PHF14: variants seen among roughly 807,000 people sequenced by gnomAD.
PHF14 encodes the protein PHD finger protein 14.
Under a neutral mutation model 117.9 loss-of-function variants are expected in PHF14, and 55 were observed. The ratio of observed to expected loss-of-function variants is 0.47; its 90% confidence interval spans 0.38 to 0.58. PHF14 has a LOEUF of 0.58. PHF14 is among the 20% of genes least tolerant of loss of function. The pLI, the probability that PHF14 is intolerant of heterozygous loss-of-function variation, is 0.00. For synonymous variants in PHF14, 409 were observed against 368.6 expected, an observed-to-expected ratio of 1.11 and a Z score of -1.26; for missense variants, 978 against 1,122.2, an observed-to-expected ratio of 0.87 and a Z score of 1.84.
At chr7:11,035,432 G>A (rs1245641320) in intron 7 of PHF14, among the ~76,000 whole-genome samples, 2 of 151,788 alleles carry the variant, frequency 1.3e-5, no homozygotes, top group East Asian at 1.9e-4. Flanking sequence ...AAAGAAAAAC[G>A]TTGTTGGTAA....
chr7:10,981,871 T>C (rs1782054661), intron 2 of PHF14, among the ~76,000 whole-genome samples: 1 of 152,218 alleles, frequency 6.6e-6, no homozygotes, highest in South Asian at 2.1e-4. Context: ...ATGCTTATTT[T>C]ACTGGGTAAA....
chr7:11,061,698 A>G (rs1785226614), intron 14 of PHF14, 93 bp from the exon 15 acceptor site: 3 of 972,042 alleles, frequency 3.1e-6, no homozygotes, highest in Admixed American at 7.1e-5. Flanking sequence ...CTAAGCAATA[A>G]CATTTAACAG....
intron 17 of PHF14, among the ~76,000 whole-genome samples, chr7:11,153,570 C>T (rs886793937): frequency 1.3e-5 from 2 of 151,862 alleles, no homozygotes; most frequent in African/African-American, 4.8e-5. Flanking sequence ...AAGTAGTTGG[C>T]ATTTGTGGCC....
intron 17 of PHF14, among the ~76,000 whole-genome samples, chr7:11,142,163 G>A (rs993855132): frequency 1.3e-5 from 2 of 152,020 alleles, no homozygotes; most frequent in South Asian, 2.1e-4. Context: ...AATGTTAAAT[G>A]TATTATCAAT....
chr7:11,071,561 G>A (rs941631524), intron 16 of PHF14, among the ~76,000 whole-genome samples: 6 of 152,106 alleles, frequency 3.9e-5, no homozygotes, highest in East Asian at 1.9e-4. Context: ...CCCATTATAA[G>A]TATAGAGCTT....
intron 17 of PHF14, among the ~76,000 whole-genome samples, chr7:11,146,992 G>A (rs967080621): frequency 6.6e-6 from 1 of 152,064 alleles, no homozygotes; most frequent in Non-Finnish European, 1.5e-5. Context: ...GAATACAGGT[G>A]TGTGCCACGA....
intron 16 of PHF14, chr7:11,106,317 T>G (rs1787261580): frequency 1.0e-6 from 1 of 977,936 alleles, no homozygotes; most frequent in Non-Finnish European, 1.2e-6. Context: ...ATTCATTCAT[T>G]ATTGGCTGAT....
At chr7:11,001,129 T>C (rs1782857939) in intron 4 of PHF14, among the ~76,000 whole-genome samples, 1 of 152,216 alleles carries the variant, frequency 6.6e-6, no homozygotes, top group Admixed American at 6.5e-5. Context: ...TCAATTTTTC[T>C]ATCACCATTT....
At chr7:11,058,288 A>G (rs1000341498) in intron 14 of PHF14, among the ~76,000 whole-genome samples, 3 of 151,832 alleles carry the variant, frequency 2.0e-5, no homozygotes, top group African/African-American at 4.8e-5. Context: ...TTTAAATTCT[A>G]CTTATGTTTT....
intron 17 of PHF14, among the ~76,000 whole-genome samples, chr7:11,148,932 AT>A (rs1267423436): frequency 1.3e-5 from 2 of 152,220 alleles, no homozygotes; most frequent in African/African-American, 2.4e-5. Flanking sequence ...TTATTGTGTT[AT>A]AAACATTTTA....
In PHF14 at chr7:11,038,410, G is replaced by T. The variant is rs573170565; in HGVS notation, c.1981-350G>T. Among the ~76,000 whole-genome samples, 2 of 143,620 alleles carry T rather than the reference G, an allele frequency of 1.4e-5. 1 individual carries two copies. Among genetic ancestry groups the T allele is most frequent in the South Asian group, 4.4e-4 (2 of 4,522 alleles). The allele number at this position is 143,620 out of a possible 152,430, so 94.2% of individuals were successfully genotyped here. A position where few individuals can be genotyped will look rare whatever the true frequency, so the allele number is the denominator to read the frequency against. ...CGTGCTACTGCACTCTAGCCTGGGC[G>T]ACAGAGTGAGACTCCATCTCAAAAA... On this transcript the variant is annotated intron_variant, in intron 10 of 17. Coordinates refer to ENST00000634607, the MANE Select transcript of PHF14 (RefSeq NM_001007157.2).
Position 11,008,120 on chromosome 7 carries a change from C to T in PHF14, c.1046-5627C>T, listed in dbSNP as rs529944775. Among the ~76,000 whole-genome samples the T allele has an allele frequency of 2.6e-5, 4 of 152,272 alleles. No homozygotes were observed. The East Asian group carries it at 7.7e-4, about 29-fold the overall frequency. On this transcript the variant is annotated intron_variant, in intron 4 of 17. Transcript: ENST00000634607. ...TACTTGACAGAAGTTAGGTAGTGTACTTACCAGCAGTTGCCCTCAGGTTTA... is the reference window on the plus strand; with the variant it reads ...TACTTGACAGAAGTTAGGTAGTGTATTTACCAGCAGTTGCCCTCAGGTTTA...
At chr7:11,010,603 T>C (rs1057005341) in intron 4 of PHF14, among the ~76,000 whole-genome samples, 19 of 152,060 alleles carry the variant, frequency 1.2e-4, no homozygotes, top group African/African-American at 4.6e-4. Flanking sequence ...TTAGCATAAC[T>C]ATTAACATAG....
chr7:11,153,616 A>T lies in PHF14; in HGVS notation c.2773-15800A>T, dbSNP rs531019801. On this transcript the variant is annotated intron_variant, in intron 17 of 17. Transcript: ENST00000634607. ...ATCTCCAGATGACTATTATCAAAGG[A>T]TAGCAGAGTTCTAAGGACAGCATTA... 2.6e-5 allele frequency among the ~76,000 whole-genome samples: 4 copies of T among 152,304 alleles called. No individual in the cohort carries two copies. In the East Asian group the frequency reaches 7.7e-4, roughly 29 times the overall value.
At position 11,121,954 on chromosome 7, in the gene PHF14, G is replaced by A. The variant is rs1207094692; in HGVS notation, c.2772+10487G>A. ...GGTGGTTTGCTGCACCTGTCAACCCGTCAGACGTTTTAAGCCCTGCATGCA... is the reference window on the plus strand; with the variant it reads ...GGTGGTTTGCTGCACCTGTCAACCCATCAGACGTTTTAAGCCCTGCATGCA... On this transcript the variant is annotated intron_variant, in intron 17 of 17. Transcript: ENST00000634607. Among the ~76,000 whole-genome samples the A allele has an allele frequency of 9.2e-5, 14 of 151,588 alleles. No individual in the cohort carries two copies. The East Asian group carries it at 1.4e-3, about 15-fold the overall frequency.
At chr7:11,084,413 T>C (rs1054805840) in intron 16 of PHF14, among the ~76,000 whole-genome samples, 2 of 152,086 alleles carry the variant, frequency 1.3e-5, no homozygotes, top group South Asian at 4.1e-4. Flanking sequence ...TTCTTTCCTC[T>C]AAGTACAAAC....
rs954941874 is a variant in PHF14 at position 11,169,603 on chromosome 7, GTCAT to G, written c.*117_*120del. 6.2e-6 allele frequency: 3 copies of G among 482,122 alleles called. No homozygotes were observed. Among genetic ancestry groups the G allele is most frequent in the African/African-American group, 6.1e-5 (3 of 49,262 alleles). 29.9% of individuals were successfully genotyped at this position (482,122 alleles called of 1,614,324 possible). ...TAATTTGCAAAATGTTCTCAATAAAGTCATTCAAAATGAAATAGGAGCTTGTATT... is the reference window on the plus strand; with the variant it reads ...TAATTTGCAAAATGTTCTCAATAAAGTCAAAATGAAATAGGAGCTTGTATT... On this transcript the variant is annotated 3_prime_UTR_variant, in exon 18 of 18. Coordinates refer to ENST00000634607, the MANE Select transcript of PHF14 (RefSeq NM_001007157.2).
chr7:11,011,448 A>G (rs1412105437), intron 4 of PHF14, among the ~76,000 whole-genome samples: 2 of 152,208 alleles, frequency 1.3e-5, no homozygotes, highest in African/African-American at 2.4e-5. Context: ...ATCATGTTAA[A>G]TGTTTCTCAC....
chr7:11,097,198 C>T (rs1241993767), intron 16 of PHF14, among the ~76,000 whole-genome samples: 1 of 152,000 alleles, frequency 6.6e-6, no homozygotes, highest in Admixed American at 6.6e-5. Flanking sequence ...CGGCTGGTCT[C>T]GAACTCCCGA....
Sources: gnomAD v4.1 joint callset for allele counts (sites outside exome capture counted in the v4.1 genomes callset) on GRCh38, gnomAD v4.1.1 for gene constraint, MANE v1.5 for transcripts, NCBI Gene and HGNC (gene_info 2026-07-23, HGNC 2026-07-21) for gene names.